UBR2: variants seen among roughly 807,000 people sequenced by gnomAD.
The protein encoded by UBR2 is E3 ubiquitin-protein ligase UBR2.
In UBR2, 92 loss-of-function variants were observed where a neutral mutation model predicts 247.9. That is an observed-to-expected ratio of 0.37 (90% confidence interval 0.31 to 0.44). The LOEUF is 0.44. Ranked by LOEUF, UBR2 falls within the 20% of genes least tolerant of loss-of-function variation. The pLI, the probability that UBR2 is intolerant of heterozygous loss-of-function variation, is 1.00. For missense variants in UBR2, 1,613 were observed against 2,112.6 expected (o/e 0.76, Z 4.64); for synonymous variants, 672 against 693.5 (o/e 0.97, Z 0.49).
At chr6:42,620,828 G>A (rs778018555) in intron 11 of UBR2, among the ~76,000 whole-genome samples, 2 of 148,636 alleles carry the variant, frequency 1.3e-5, no homozygotes, top group Non-Finnish European at 3.0e-5. Context: ...TTTTTTAGAC[G>A]GAGTCTCGCT....
Position 42,666,032 on chromosome 6 carries a change from C to A in UBR2, c.3803-135C>A, listed in dbSNP as rs1562379745. ...CAACTAGAGCAATAACGTTTTCATGCTTCATATGGTTGTTATGCCAGTTTT... is the reference window on the plus strand; with the variant it reads ...CAACTAGAGCAATAACGTTTTCATGATTCATATGGTTGTTATGCCAGTTTT... On this transcript the variant is annotated intron_variant, in intron 33 of 46. Transcript: ENST00000372901. 4.7e-6 allele frequency: 3 copies of A among 644,634 alleles called. No individual in the cohort carries two copies. The East Asian group carries it at 8.6e-5, about 19-fold the overall frequency. The allele number at this position is 644,634 out of a possible 1,614,324, so 39.9% of individuals were successfully genotyped here.
chr6:42,686,087 TA>T (rs1799372083), intron 44 of UBR2, among the ~76,000 whole-genome samples: 2 of 152,026 alleles, frequency 1.3e-5, no homozygotes. Context: ...GTTTTTTTTT[TA>T]ATTAGTATTT....
chr6:42,607,719 T>G lies in UBR2; in HGVS notation c.864+1068T>G, dbSNP rs1399506856. Among the ~76,000 whole-genome samples, 9 of 143,756 alleles carry G rather than the reference T, an allele frequency of 6.3e-5. No individual in the cohort carries two copies. In the East Asian group the frequency reaches 1.6e-3, roughly 26 times the overall value. 94.3% of individuals were successfully genotyped at this position (143,756 alleles called of 152,430 possible). A position where few individuals can be genotyped will look rare whatever the true frequency, so the allele number is the denominator to read the frequency against. On this transcript the variant is annotated intron_variant, in intron 7 of 46. Transcript: ENST00000372901. ...GTCCCACCACTCCCAGCTGTTTTTT[T>G]TTTTTTTTTTTTTTTAGTAGAGAAG...
chr6:42,650,890 A>G (rs1157280326), intron 23 of UBR2, among the ~76,000 whole-genome samples: 1 of 152,140 alleles, frequency 6.6e-6, no homozygotes, highest in African/African-American at 2.4e-5. Flanking sequence ...ATTATTTAAC[A>G]CTTTTTCATA....
At chr6:42,672,158 G>A (rs193084625) in intron 36 of UBR2, among the ~76,000 whole-genome samples, 23 of 152,012 alleles carry the variant, frequency 1.5e-4, no homozygotes, top group African/African-American at 3.9e-4. Flanking sequence ...TCAGCCTCCC[G>A]AGTAGCTGGG....
intron 8 of UBR2, among the ~76,000 whole-genome samples, chr6:42,614,221 C>CGT (rs1562310922): frequency 5.1e-4 from 12 of 23,588 alleles, no homozygotes; most frequent in African/African-American, 1.8e-3. Flanking sequence ...TATATATACA[C>CGT]ACACACACAC....
intron 7 of UBR2, among the ~76,000 whole-genome samples, chr6:42,608,436 G>A (rs566475558): frequency 6.6e-6 from 1 of 152,226 alleles, no homozygotes; most frequent in African/African-American, 2.4e-5. Flanking sequence ...GACCAGCCTG[G>A]GCAACAGAGC....
At chr6:42,580,697 G>A (rs1026139195) in intron 2 of UBR2, among the ~76,000 whole-genome samples, 4 of 151,994 alleles carry the variant, frequency 2.6e-5, no homozygotes, top group African/African-American at 9.7e-5. Context: ...CCGCCACCAC[G>A]CCCTGCTAAT....
intron 4 of UBR2, among the ~76,000 whole-genome samples, chr6:42,594,551 A>G (rs2151919260): frequency 6.6e-6 from 1 of 152,282 alleles, no homozygotes; most frequent in Non-Finnish European, 1.5e-5. Flanking sequence ...GCATACTTGA[A>G]GTTTATTTGA....
At position 42,576,566 on chromosome 6, in the gene UBR2, G is replaced by A. The variant is rs181134988; in HGVS notation, c.338+2573G>A. On this transcript the variant is annotated intron_variant, in intron 2 of 46. Coordinates refer to ENST00000372901, the MANE Select transcript of UBR2 (RefSeq NM_001363705.2). Reference sequence around the variant, plus strand: ...TTTTTTTGAGATGGAGTCTCACCCCGTAGCCCAGGCTGGATTGTAGTGGCA... The same window carrying A: ...TTTTTTTGAGATGGAGTCTCACCCCATAGCCCAGGCTGGATTGTAGTGGCA... 1.9e-4 allele frequency among the ~76,000 whole-genome samples: 22 copies of A among 117,610 alleles called. No homozygotes were observed. The East Asian group carries it at 3.3e-3, about 18-fold the overall frequency. 77.2% of individuals were successfully genotyped at this position (117,610 alleles called of 152,430 possible).
intron 40 of UBR2, 125 bp from the exon 41 acceptor site, chr6:42,678,414 G>A: frequency 9.6e-7 from 1 of 1,043,132 alleles, no homozygotes; most frequent in Non-Finnish European, 1.3e-6. Flanking sequence ...CCACTTGCCT[G>A]TTAACTCACA....
intron 30 of UBR2, among the ~76,000 whole-genome samples, chr6:42,661,916 G>T (rs1797836979): frequency 6.6e-6 from 1 of 152,218 alleles, no homozygotes; most frequent in Admixed American, 6.5e-5. Flanking sequence ...ATGTTCAAAA[G>T]ATTGGATATA....
chr6:42,623,435 C>T (rs1160745652), intron 11 of UBR2, among the ~76,000 whole-genome samples: 10 of 152,060 alleles, frequency 6.6e-5, no homozygotes, highest in Non-Finnish European at 5.9e-5. Context: ...CTGAGCCCAA[C>T]TTGGTTTTTG....
At chr6:42,610,899 G>A (rs1193670764) in intron 7 of UBR2, among the ~76,000 whole-genome samples, 2 of 150,178 alleles carry the variant, frequency 1.3e-5, no homozygotes, top group African/African-American at 4.9e-5. Flanking sequence ...AGGTTGGAGT[G>A]CAATGGCGCG....
At chr6:42,594,351 T>C in intron 4 of UBR2, 47 bp downstream of exon 4, 1 of 1,457,772 alleles carries the variant, frequency 6.9e-7, no homozygotes, top group South Asian at 1.2e-5. Flanking sequence ...TTTGAAATAT[T>C]TTGAGAAATA....
At position 42,603,663 on chromosome 6, in the gene UBR2, G is replaced by C; in HGVS notation, c.607G>C (p.Val203Leu). 1 of 1,601,974 alleles carries C rather than the reference G, an allele frequency of 6.2e-7. No homozygotes were observed. The highest frequency in any genetic ancestry group is 8.5e-7 in the Non-Finnish European group (1 of 1,177,306). Residue 203 changes from valine (V) to leucine (L), a missense_variant, in exon 5 of 47, where the codon GTA (valine) becomes CTA (leucine). Val to Leu is a conservative substitution (Grantham distance 32). Around this residue, in one of 3 missense-constraint regions of UBR2, gnomAD observed 1,524 missense variants for 1,967.3 expected, o/e 0.77. Coordinates refer to ENST00000372901, the MANE Select transcript of UBR2 (RefSeq NM_001363705.2). ...TTTTGCTATTACGTTTCGGTATGCA[G>C]TAGAAATATTAACCTGGGAAAAAGA... ...NIFAITFRYA[V>L]EILTWEKESE...
chr6:42,611,897 ACT>A (rs1190679874), intron 7 of UBR2, among the ~76,000 whole-genome samples: 1 of 144,206 alleles, frequency 6.9e-6, no homozygotes, highest in Non-Finnish European at 1.5e-5. Flanking sequence ...ACAGAGCGAG[ACT>A]CCACCTCAAA....
intron 2 of UBR2, among the ~76,000 whole-genome samples, chr6:42,589,341 T>C (rs1792507262): frequency 6.6e-6 from 1 of 152,220 alleles, no homozygotes; most frequent in Non-Finnish European, 1.5e-5. Flanking sequence ...TTTTCAGATG[T>C]TGAGCCAGCC....
At chr6:42,614,336 G>GTATGTA in intron 8 of UBR2, among the ~76,000 whole-genome samples, 1 of 127,472 alleles carries the variant, frequency 7.8e-6, no homozygotes, top group East Asian at 2.2e-4. Context: ...GTGTATATGT[G>GTATGTA]TATGTGTGTA....
Sources: gnomAD v4.1 joint callset for allele counts (sites outside exome capture counted in the v4.1 genomes callset) on GRCh38, gnomAD v4.1.1 for gene constraint, gnomAD v4.1.1 regional missense constraint, MANE v1.5 for transcripts, NCBI Gene and HGNC (gene_info 2026-07-23, HGNC 2026-07-21) for gene names.